Variants in WNT9B observed in about 807,000 individuals in gnomAD.
The protein encoded by WNT9B is Wnt family member 9B.
A neutral mutation model predicts 30.2 loss-of-function variants in WNT9B; 12 were observed. The ratio of observed to expected loss-of-function variants is 0.40; its 90% CI spans 0.26 to 0.64. WNT9B has a LOEUF of 0.64. WNT9B is among the 30% of genes least tolerant of loss of function. WNT9B has a pLI of 0.42. For missense variants in WNT9B, 442 were observed against 485.2 expected, an observed-to-expected ratio of 0.91 and a Z score of 0.84; for synonymous variants, 218 against 216.9, an observed-to-expected ratio of 1.01 and a Z score of -0.05.
At chr17:46,836,883 G>A (rs554461848) in intron 1 of WNT9B, among the ~76,000 whole-genome samples, 91 of 152,332 alleles carry the variant, frequency 6.0e-4, no homozygotes, top group African/African-American at 2.1e-3. Context: ...ATTTTGGTTT[G>A]TAAATGAACC....
At chr17:46,886,421 A>G (rs2085489366) in exon 5 of WNT9B, 2 of 152,224 alleles carry the variant, frequency 1.3e-5, no homozygotes, top group African/African-American at 4.8e-5. Flanking sequence ...AATGGACCCA[A>G]CAGACCAAAC....
intron 1 of WNT9B, among the ~76,000 whole-genome samples, chr17:46,865,136 C>T (rs1166278329): frequency 2.0e-5 from 3 of 152,154 alleles, no homozygotes; most frequent in Non-Finnish European, 2.9e-5. Context: ...GGCTTCAGCC[C>T]GAGCCTGAGT....
At chr17:46,867,399 TTAA>T (rs1414591673) in intron 1 of WNT9B, among the ~76,000 whole-genome samples, 2 of 152,028 alleles carry the variant, frequency 1.3e-5, no homozygotes, top group Admixed American at 1.3e-4. Flanking sequence ...CTCTCATGAG[TTAA>T]GGTGTATTTG....
At chr17:46,859,625 A>G (rs952546651) in intron 1 of WNT9B, among the ~76,000 whole-genome samples, 1 of 152,234 alleles carries the variant, frequency 6.6e-6, no homozygotes, top group Admixed American at 6.5e-5. Context: ...ACTAAGTACT[A>G]TAAGTTCTCT....
Position 46,876,654 on chromosome 17 carries a change from G to T in WNT9B, c.1010G>T (p.Trp337Leu). 6.2e-7 allele frequency: 1 copy of T among 1,604,100 alleles called. No individual in the cohort carries two copies. The change falls in exon 4 of 4, where the codon TGG becomes TTG. Residue 337 changes from tryptophan (W) to leucine (L), a missense_variant. Physicochemically the swap from Trp to Leu is moderately conservative, Grantham distance 61. Coordinates refer to ENST00000290015, the MANE Select transcript of WNT9B (RefSeq NM_003396.3). Reference sequence around the variant, plus strand: ...TTCTCCTGCCACTGCCAGGTGCAGTGGTGCTGCTACGTGGAGTGCCAGCAA... The same window carrying T: ...TTCTCCTGCCACTGCCAGGTGCAGTTGTGCTGCTACGTGGAGTGCCAGCAA... ...VAFSCHCQVQ[W>L]CCYVECQQCV...
chr17:46,862,017 G>A (rs2085045764), intron 1 of WNT9B, among the ~76,000 whole-genome samples: 1 of 152,038 alleles, frequency 6.6e-6, no homozygotes, highest in Non-Finnish European at 1.5e-5. Flanking sequence ...TACAAAAATA[G>A]CTGGGCGTGG....
intron 1 of WNT9B, among the ~76,000 whole-genome samples, chr17:46,845,382 G>A (rs550908862): frequency 1.2e-4 from 19 of 152,020 alleles, no homozygotes; most frequent in Admixed American, 1.2e-3. Context: ...GCTGGGGTGG[G>A]GGTTATATTC....
intron 1 of WNT9B, among the ~76,000 whole-genome samples, chr17:46,864,115 C>T (rs1412680572): frequency 6.6e-6 from 1 of 152,242 alleles, no homozygotes; most frequent in East Asian, 1.9e-4. Context: ...CCTGAGCCTG[C>T]CTGTGCGTGG....
intron 1 of WNT9B, among the ~76,000 whole-genome samples, chr17:46,846,204 A>G (rs531817650): frequency 6.6e-6 from 1 of 152,350 alleles, no homozygotes; most frequent in East Asian, 1.9e-4. Context: ...TTCAGTACAG[A>G]TGGCTCATCC....
rs778566187 is a variant in WNT9B at position 46,876,518 on chromosome 17, C to T, written c.874C>T (p.Arg292Trp). The T allele has an allele frequency of 5.1e-5, 82 of 1,613,508 alleles. No homozygotes were observed. The highest frequency in any genetic ancestry group is 6.2e-5 in the Non-Finnish European group (73 of 1,180,038). ...VYMEDSPSFC[R>W]PSKYSPGTAG... The stretch of plus-strand genomic sequence containing the variant: ...CATGGAGGACTCACCCAGCTTCTGC[C>T]GGCCCAGCAAGTACTCACCTGGCAC... The change falls in exon 4 of 4, where the codon CGG (arginine) becomes TGG (tryptophan). Residue 292 changes from arginine (R) to tryptophan (W), a missense_variant. Arg to Trp is a moderately radical substitution (Grantham distance 101). Transcript: ENST00000290015.
At position 46,851,838 on chromosome 17, in the gene WNT9B, C is replaced by A; in HGVS notation, c.77+123C>A. 1 of 461,428 alleles carries A rather than the reference C, an allele frequency of 2.2e-6. No individual in the cohort carries two copies. Among genetic ancestry groups the A allele is most frequent in the African/African-American group, 2.0e-5 (1 of 48,976 alleles). The allele number at this position is 461,428 out of a possible 1,614,324, so 28.6% of individuals were successfully genotyped here. A position where few individuals can be genotyped will look rare whatever the true frequency, so the allele number is the denominator to read the frequency against. ...CCCGCCGAGGTCTCGAACTCAGACC[C>A]TAGCCCGGCGCGACCCAACCCACTT... On this transcript the variant is annotated intron_variant, in intron 1 of 3. Transcript: ENST00000290015. This position sits in a 1 kb window ranked among gnomAD's most constrained non-coding sequence, Gnocchi z 4.3.
At chr17:46,859,065 C>T (rs1366838944) in intron 1 of WNT9B, among the ~76,000 whole-genome samples, 1 of 151,640 alleles carries the variant, frequency 6.6e-6, no homozygotes, top group Admixed American at 6.6e-5. Context: ...CAACCTCCAC[C>T]TCCCGGGTTC....
chr17:46,864,091 G>C (rs1322214190), intron 1 of WNT9B, among the ~76,000 whole-genome samples: 3 of 152,356 alleles, frequency 2.0e-5, no homozygotes, highest in East Asian at 1.9e-4. Flanking sequence ...GGCCCTTCCA[G>C]GGCCCAAGCC....
At chr17:46,875,002 C>T (rs762688649) in intron 2 of WNT9B, 99 bp from the exon 3 acceptor site, 85 of 1,586,770 alleles carry the variant, frequency 5.4e-5, no homozygotes, top group Admixed American at 2.2e-4. Flanking sequence ...CTGCCACCAC[C>T]GCCTCTGGCC....
At chr17:46,848,063 T>A (rs2084797850), upstream of WNT9B, among the ~76,000 whole-genome samples, 1 of 151,826 alleles carries the variant, frequency 6.6e-6, no homozygotes, top group Non-Finnish European at 1.5e-5. Flanking sequence ...TTGGGCTGGT[T>A]AATGGAGACA....
chr17:46,883,059 A>C (rs1568135902), downstream of WNT9B, among the ~76,000 whole-genome samples: 1 of 151,906 alleles, frequency 6.6e-6, no homozygotes, highest in Admixed American at 6.6e-5. Flanking sequence ...GCTCACTGCA[A>C]GCTCCGCCTC....
At chr17:46,883,226 C>T (rs1241049741), downstream of WNT9B, among the ~76,000 whole-genome samples, 3 of 151,816 alleles carry the variant, frequency 2.0e-5, no homozygotes, top group Non-Finnish European at 4.4e-5. Flanking sequence ...TCGTGATCCG[C>T]CCACCTCAGC....
At chr17:46,841,023 C>T (rs576236313) in intron 1 of WNT9B, among the ~76,000 whole-genome samples, 15 of 152,242 alleles carry the variant, frequency 9.9e-5, no homozygotes, top group Admixed American at 2.6e-4. Context: ...CACCATGGAA[C>T]GCCTTTCCCG....
intron 1 of WNT9B, among the ~76,000 whole-genome samples, chr17:46,863,135 T>C (rs977001434): frequency 6.6e-6 from 1 of 151,788 alleles, no homozygotes; most frequent in Admixed American, 6.6e-5. Context: ...ACAGGCAGCC[T>C]CCTCCAGAGC....
Sources: gnomAD v4.1 joint callset for allele counts (sites outside exome capture counted in the v4.1 genomes callset) on GRCh38, gnomAD v4.1.1 for gene constraint, Gnocchi (gnomAD v3.1) non-coding constraint, MANE v1.5 for transcripts, NCBI Gene and HGNC (gene_info 2026-07-23, HGNC 2026-07-21) for gene names.